Variants in HERC3 observed in about 807,000 individuals in gnomAD.
HERC3 encodes probable E3 ubiquitin-protein ligase HERC3.
In HERC3, 58 loss-of-function variants were observed where a neutral mutation model predicts 129.9. That is an observed-to-expected ratio of 0.45 (90% CI 0.36 to 0.56). The LOEUF (loss-of-function observed/expected upper bound fraction) is 0.56, where lower values mean the gene tolerates loss of function less well. Among genes scored for constraint, HERC3 ranks in the 20% least tolerant of loss-of-function variants. The pLI is 0.00. For missense variants in HERC3, 835 were observed against 1,244.2 expected (o/e 0.67, Z 4.95); for synonymous variants, 430 against 451.0 (o/e 0.95, Z 0.59).
chr4:88,607,623 C>G (rs958508346), intron 3 of HERC3, among the ~76,000 whole-genome samples: 4 of 152,102 alleles, frequency 2.6e-5, no homozygotes, highest in Non-Finnish European at 4.4e-5. Context: ...TGCCAATACA[C>G]CTGCTAATTT....
chr4:88,632,820 C>A (rs140936763), intron 3 of HERC3, among the ~76,000 whole-genome samples: 2 of 152,116 alleles, frequency 1.3e-5, no homozygotes, highest in Non-Finnish European at 2.9e-5. Context: ...CCGGAGAGGA[C>A]AAAGGATGTA....
chr4:88,531,034 T>C, the HERC3 span, among the ~76,000 whole-genome samples: 1 of 152,006 alleles, frequency 6.6e-6, no homozygotes, highest in Non-Finnish European at 1.5e-5. Context: ...TTTTTTGTAT[T>C]TTTAATGGAG....
At chr4:88,650,036 T>C in intron 4 of HERC3, 37 bp downstream of exon 4, 3 of 1,588,802 alleles carry the variant, frequency 1.9e-6, no homozygotes, top group Non-Finnish European at 1.7e-6. Flanking sequence ...TTTTAAATGC[T>C]ATTTCCTGCT....
At chr4:88,599,638 CA>C in intron 2 of HERC3, among the ~76,000 whole-genome samples, 1 of 152,064 alleles carries the variant, frequency 6.6e-6, no homozygotes, top group Non-Finnish European at 1.5e-5. Flanking sequence ...CCCAGGACGC[CA>C]AATTAATAAT....
chr4:88,690,493 T>C, intron 23 of HERC3: 1 of 985,438 alleles, frequency 1.0e-6, no homozygotes, highest in Non-Finnish European at 1.2e-6. Context: ...CATCATTTGT[T>C]AGAAGCTAAC....
chr4:88,682,912 T>G (rs1045799543), intron 21 of HERC3, among the ~76,000 whole-genome samples: 7 of 152,170 alleles, frequency 4.6e-5, no homozygotes, highest in East Asian at 3.9e-4. Context: ...ACTTCCACAA[T>G]GGTTGAACTA....
chr4:88,691,556 C>T (rs1734078062), intron 23 of HERC3, among the ~76,000 whole-genome samples: 1 of 152,194 alleles, frequency 6.6e-6, no homozygotes, highest in South Asian at 2.1e-4. Flanking sequence ...AGCAAGCTCT[C>T]ATGACTCTTA....
Position 88,686,756 on chromosome 4 carries a change from A to C in HERC3, c.2528A>C (p.Asp843Ala), listed in dbSNP as rs752508587. The C allele has an allele frequency of 6.2e-7, 1 of 1,611,602 alleles. No individual in the cohort carries two copies. Among genetic ancestry groups the C allele is most frequent in the Non-Finnish European group, 8.5e-7 (1 of 1,177,914 alleles). Residue 843 changes from aspartate to alanine, a missense_variant, in exon 22 of 26, where the codon GAT becomes GCT. Asp to Ala is a moderately radical substitution (Grantham distance 126). Coordinates refer to ENST00000402738, the MANE Select transcript of HERC3 (RefSeq NM_014606.3). ...ATTAGGAGTCTCCAAGAGCTTTTAG[A>C]TTACCCCGGGGAGGATGTGGAGGAG... ...TEGRSLQELL[D>A]YPGEDVEETF...
intron 23 of HERC3, 132 bp downstream of exon 23, chr4:88,687,431 C>A: frequency 2.4e-6 from 1 of 412,678 alleles, no homozygotes; most frequent in Non-Finnish European, 4.4e-6. Context: ...GGTGATAGGG[C>A]AATAATTTAC....
At chr4:88,576,854 A>G in the HERC3 span, among the ~76,000 whole-genome samples, 7 of 152,236 alleles carry the variant, frequency 4.6e-5, no homozygotes, top group African/African-American at 1.4e-4. Flanking sequence ...CTTTCATGGT[A>G]CCACGCTTAC....
At chr4:88,622,818 A>C (rs564237595) in intron 3 of HERC3, among the ~76,000 whole-genome samples, 2 of 152,110 alleles carry the variant, frequency 1.3e-5, no homozygotes, top group South Asian at 4.2e-4. Flanking sequence ...AATCCCAGCT[A>C]CTCGGGAGGC....
At chr4:88,691,375 T>G (rs1734056703) in intron 23 of HERC3, among the ~76,000 whole-genome samples, 1 of 152,226 alleles carries the variant, frequency 6.6e-6, no homozygotes, top group Non-Finnish European at 1.5e-5. Flanking sequence ...TGTAAAAAAG[T>G]ACGATAAACT....
In HERC3 at chr4:88,665,803, G is replaced by A. The variant is rs186350305; in HGVS notation, c.1332-1574G>A. On this transcript the variant is annotated intron_variant, in intron 12 of 25. Coordinates refer to ENST00000402738, the MANE Select transcript of HERC3 (RefSeq NM_014606.3). ...TTTACTTTTATAATTAAGGCAGCTGGGATGAGCTCACACAATTCATTTCAT... is the reference window on the plus strand; with the variant it reads ...TTTACTTTTATAATTAAGGCAGCTGAGATGAGCTCACACAATTCATTTCAT... Among the ~76,000 whole-genome samples the A allele has an allele frequency of 1.1e-3, 161 of 152,208 alleles. No individual in the cohort carries two copies. In the South Asian group the frequency reaches 0.015, roughly 14 times the overall value.
intron 2 of HERC3, among the ~76,000 whole-genome samples, chr4:88,602,140 C>T (rs965693836): frequency 4.6e-5 from 7 of 151,460 alleles, no homozygotes; most frequent in Non-Finnish European, 8.8e-5. Context: ...GTGGCTCACA[C>T]CTGTGATCCA....
intron 3 of HERC3, among the ~76,000 whole-genome samples, chr4:88,606,671 G>C (rs1425760867): frequency 6.6e-6 from 1 of 152,176 alleles, no homozygotes; most frequent in African/African-American, 2.4e-5. Context: ...CGGCAGACAA[G>C]AGAAGAGAGC....
intron 7 of HERC3, 73 bp from the exon 8 acceptor site, chr4:88,655,101 C>A: frequency 1.3e-6 from 2 of 1,491,298 alleles, no homozygotes; most frequent in Non-Finnish European, 1.8e-6. Flanking sequence ...TTGTGATAGG[C>A]ATTTTGTATA....
the HERC3 span, among the ~76,000 whole-genome samples, chr4:88,564,700 T>C: frequency 6.6e-6 from 1 of 152,146 alleles, no homozygotes; most frequent in Non-Finnish European, 1.5e-5. Flanking sequence ...TTTGTTGATT[T>C]CAGTATTTTT....
Position 88,601,870 on chromosome 4 carries a change from A to C in HERC3, c.-29-3925A>C, listed in dbSNP as rs532324579. On this transcript the variant is annotated intron_variant, in intron 2 of 25. Coordinates refer to ENST00000402738, the MANE Select transcript of HERC3 (RefSeq NM_014606.3). The stretch of plus-strand genomic sequence containing the variant: ...AGGAGATCGAGACCATCCCGGCTAA[A>C]ACGGTGAAACCCCGTCTCTACTAAA... Among the ~76,000 whole-genome samples, 163 of 98,478 alleles carry C rather than the reference A, an allele frequency of 1.7e-3. 16 individuals carry two copies. The Middle Eastern group carries it at 0.058, about 35-fold the overall frequency. The allele number at this position is 98,478 out of a possible 152,430, so 64.6% of individuals were successfully genotyped here.
chr4:88,542,200 T>C, the HERC3 span, among the ~76,000 whole-genome samples: 102 of 151,656 alleles, frequency 6.7e-4, no homozygotes, highest in Non-Finnish European at 1.1e-3. Context: ...ATTAGCAAGA[T>C]TAATAAAGAA....
Sources: gnomAD v4.1 joint callset for allele counts (sites outside exome capture counted in the v4.1 genomes callset) on GRCh38, gnomAD v4.1.1 for gene constraint, MANE v1.5 for transcripts, NCBI Gene and HGNC (gene_info 2026-07-23, HGNC 2026-07-21) for gene names.